Variants in MYZAP observed in about 807,000 individuals in gnomAD.
The protein encoded by MYZAP is GRINL1A complex locus upstream.
MYZAP carries 66 observed loss-of-function variants against 69.4 expected under a neutral mutation model. The ratio of observed to expected loss-of-function variants is 0.95; its 90% CI spans 0.78 to 1.17. The LOEUF (loss-of-function observed/expected upper bound fraction) is 1.17, where lower values mean the gene tolerates loss of function less well. Ranked by LOEUF, MYZAP falls within the 50% of genes most tolerant of loss-of-function variation. The pLI is 0.00. For synonymous variants in MYZAP, 256 were observed against 205.9 expected, an observed-to-expected ratio of 1.24 and a Z score of -2.09; for missense variants, 611 against 556.2, an observed-to-expected ratio of 1.10 and a Z score of -0.99.
In MYZAP at chr15:57,609,317, C is replaced by T. The variant is rs151183941; in HGVS notation, c.162+4962C>T. On this transcript the variant is annotated intron_variant, in intron 2 of 12. Transcript: ENST00000267853. ...TTCAATAACCGAAAGTATTCTGTCA[C>T]GGTTCTGGAGTTCATATGTCTGGGA... 6.3e-4 allele frequency among the ~76,000 whole-genome samples: 96 copies of T among 152,320 alleles called. 1 individual carries two copies. The highest frequency in any genetic ancestry group is 5.6e-3 in the Admixed American group (86 of 15,298).
At chr15:57,676,089 C>T (rs1006757996) in intron 12 of MYZAP, among the ~76,000 whole-genome samples, 1 of 152,060 alleles carries the variant, frequency 6.6e-6, no homozygotes, top group Non-Finnish European at 1.5e-5. Flanking sequence ...CAGCAGGATG[C>T]CTTCAGACAG....
intron 11 of MYZAP, among the ~76,000 whole-genome samples, chr15:57,666,455 C>T (rs141935579): frequency 3.9e-5 from 6 of 152,188 alleles, no homozygotes; most frequent in Non-Finnish European, 8.8e-5. Flanking sequence ...TTTGTGCTTA[C>T]CTGGGTTTAA....
At chr15:57,675,797 C>A (rs1234842409) in intron 12 of MYZAP, among the ~76,000 whole-genome samples, 4 of 152,182 alleles carry the variant, frequency 2.6e-5, no homozygotes, top group Admixed American at 6.5e-5. Context: ...GTGCTCACAA[C>A]TGTGCCTGGC....
intron 8 of MYZAP, among the ~76,000 whole-genome samples, chr15:57,634,984 T>G (rs74016361): frequency 1.3e-3 from 203 of 152,256 alleles, no homozygotes; most frequent in African/African-American, 4.7e-3. Context: ...TTAACTCAGA[T>G]GCTCTCTCTC....
intron 1 of MYZAP, among the ~76,000 whole-genome samples, chr15:57,598,249 C>T (rs1223884143): frequency 1.3e-5 from 2 of 152,106 alleles, no homozygotes; most frequent in African/African-American, 4.8e-5. Flanking sequence ...CATGTAGCTC[C>T]CCAGGGGCCC....
intron 4 of MYZAP, among the ~76,000 whole-genome samples, chr15:57,623,625 C>T (rs1165270456): frequency 6.6e-6 from 1 of 151,744 alleles, no homozygotes; most frequent in Non-Finnish European, 1.5e-5. Context: ...CCTAGCTACT[C>T]CGTTGGCTGA....
intron 6 of MYZAP, 93 bp downstream of exon 6, chr15:57,629,947 T>TTTTTTCA (rs2140428942): frequency 6.8e-7 from 1 of 1,462,850 alleles, no homozygotes; most frequent in Admixed American, 2.6e-5. Context: ...TCCATTTCCT[T>TTTTTTCA]TTCTCCATTC....
At chr15:57,631,042 A>G (rs1184525998) in intron 6 of MYZAP, among the ~76,000 whole-genome samples, 9 of 152,352 alleles carry the variant, frequency 5.9e-5, no homozygotes, top group Non-Finnish European at 1.3e-4. Context: ...GCCATGGGAC[A>G]GATCATCTCC....
chr15:57,653,896 T>G (rs558393706), intron 10 of MYZAP, among the ~76,000 whole-genome samples: 1 of 148,422 alleles, frequency 6.7e-6, no homozygotes, highest in East Asian at 2.0e-4. Context: ...TCCTAGCTAC[T>G]TGGGAGGCTG....
intron 8 of MYZAP, 53 bp downstream of exon 8, chr15:57,633,794 G>C: frequency 7.0e-7 from 1 of 1,428,064 alleles, no homozygotes; most frequent in Non-Finnish European, 9.2e-7. Context: ...TTCCCTGTAG[G>C]TCCATCTGAG....
intron 1 of MYZAP, among the ~76,000 whole-genome samples, chr15:57,594,484 T>C (rs2033926844): frequency 6.6e-6 from 1 of 152,182 alleles, no homozygotes; most frequent in African/African-American, 2.4e-5. Flanking sequence ...ATTATTGGGA[T>C]ACTGAAAGGA....
chr15:57,650,594 C>G (rs570395835), intron 10 of MYZAP, among the ~76,000 whole-genome samples: 2 of 152,142 alleles, frequency 1.3e-5, no homozygotes, highest in African/African-American at 4.8e-5. Context: ...ATTCAGTTTC[C>G]TTATCAATAA....
At chr15:57,680,285 C>G (rs2039364301) in intron 12 of MYZAP, among the ~76,000 whole-genome samples, 1 of 152,136 alleles carries the variant, frequency 6.6e-6, no homozygotes, top group South Asian at 2.1e-4. Context: ...CTCCTTCTTT[C>G]CCATTCCTCT....
At position 57,682,859 on chromosome 15, in the gene MYZAP, G is replaced by A. The variant is rs143610131; in HGVS notation, c.1305-1543G>A. Among the ~76,000 whole-genome samples the A allele has an allele frequency of 2.5e-3, 384 of 152,130 alleles. 2 individuals carry two copies. Among genetic ancestry groups the A allele is most frequent in the African/African-American group, 8.6e-3 (358 of 41,500 alleles). On this transcript the variant is annotated intron_variant, in intron 12 of 12. Transcript: ENST00000267853. ...TGGAGTTCCCATCCCCGCTTTGCCC[G>A]CTTGATGAGTGCTAGGCATCCTTCA...
chr15:57,679,375 T>TGTGTGTGTG (rs1555465672), intron 12 of MYZAP, among the ~76,000 whole-genome samples: 21,594 of 114,726 alleles, frequency 0.19, 2,555 homozygotes, highest in East Asian at 0.58. Flanking sequence ...TGTGTGTGTG[T>TGTGTGTGTG]TTCTCTCTCT....
chr15:57,647,271 G>A (rs1415997700), intron 10 of MYZAP: 1 of 985,322 alleles, frequency 1.0e-6, no homozygotes, highest in Non-Finnish European at 1.2e-6. Flanking sequence ...TTGTTCACCT[G>A]TGCACGGTGC....
At chr15:57,630,526 C>G (rs2036441082) in intron 6 of MYZAP, among the ~76,000 whole-genome samples, 1 of 152,174 alleles carries the variant, frequency 6.6e-6, no homozygotes, top group African/African-American at 2.4e-5. Flanking sequence ...GGTACTTGGG[C>G]TGTACCCCAA....
intron 2 of MYZAP, among the ~76,000 whole-genome samples, chr15:57,608,941 G>C (rs2034932021): frequency 6.6e-6 from 1 of 152,142 alleles, no homozygotes; most frequent in African/African-American, 2.4e-5. Flanking sequence ...CTCAGCTAAA[G>C]GCCCACTTCC....
intron 10 of MYZAP, chr15:57,647,996 G>C (rs1164214687): frequency 1.0e-6 from 1 of 985,236 alleles, no homozygotes; most frequent in African/African-American, 1.7e-5. Context: ...CTACAGCTCT[G>C]TCTCGTGGCC....
Sources: gnomAD v4.1 joint callset for allele counts (sites outside exome capture counted in the v4.1 genomes callset) on GRCh38, gnomAD v4.1.1 for gene constraint, MANE v1.5 for transcripts, NCBI Gene and HGNC (gene_info 2026-07-23, HGNC 2026-07-21) for gene names.